COL4A6: variants seen among roughly 807,000 people sequenced by gnomAD.
COL4A6 encodes collagen type IV alpha 6 chain.
A neutral mutation model predicts 126.7 loss-of-function variants in COL4A6; 59 were observed. The observed-to-expected ratio is 0.47, with a 90% CI of 0.38 to 0.58. The LOEUF (loss-of-function observed/expected upper bound fraction) is 0.58, where lower values mean the gene tolerates loss of function less well. Among genes scored for constraint, COL4A6 ranks in the 20% least tolerant of loss-of-function variants. The pLI, the probability that COL4A6 is intolerant of heterozygous loss-of-function variation, is 0.00. For synonymous variants in COL4A6, 547 were observed against 496.6 expected (o/e 1.10, Z -1.35); for missense variants, 1,285 against 1,337.3 (o/e 0.96, Z 0.61).
intron 3 of COL4A6, among the ~76,000 whole-genome samples, chrX:108,301,956 G>T (rs1472707586): frequency 8.9e-6 from 1 of 111,771 alleles, no homozygotes; most frequent in Non-Finnish European, 1.9e-5. Flanking sequence ...AAGAGCAAGA[G>T]ACTTTGTGAC....
intron 2 of COL4A6, among the ~76,000 whole-genome samples, chrX:108,419,838 G>A (rs893032870): frequency 8.9e-6 from 1 of 111,826 alleles, no homozygotes; most frequent in Non-Finnish European, 1.9e-5. Flanking sequence ...CATCGCTACA[G>A]CATACAACTG....
intron 2 of COL4A6, among the ~76,000 whole-genome samples, chrX:108,434,094 C>T (rs1426783012): frequency 9.0e-6 from 1 of 111,691 alleles, no homozygotes; most frequent in East Asian, 2.8e-4. Flanking sequence ...AATATAGGAG[C>T]ATATTTATTG....
chrX:108,197,772 A>AGTGTGT (rs57928875), intron 13 of COL4A6, among the ~76,000 whole-genome samples: 4,754 of 87,168 alleles, frequency 0.055, 125 homozygotes, highest in South Asian at 0.079. Context: ...TATTGGGAGG[A>AGTGTGT]GTGTGTGTGT....
At chrX:108,417,901 A>C (rs1303463643) in intron 2 of COL4A6, among the ~76,000 whole-genome samples, 2 of 112,280 alleles carry the variant, frequency 1.8e-5, no homozygotes, top group Non-Finnish European at 3.8e-5. Flanking sequence ...TGACATAAGA[A>C]AGTTAAATCA....
rs763836649 is a variant in COL4A6, at chrX:108,159,664, C to T, written c.4610G>A (p.Arg1537His). Residue 1537 changes from arginine (R) to histidine (H), a missense_variant, in exon 44 of 45, where the codon CGC becomes CAC. Arg to His is a conservative substitution (Grantham distance 29). Transcript: ENST00000334504. ...NINEVCHYAR[R>H]NDKSYWLSTT... is the part of the protein sequence containing the mutation. ...GGAGAGCCAGTAAGATTTATCATTGCGCCTGGCATAGTGGCACACCTCGTT... is the reference window on the plus strand; with the variant it reads ...GGAGAGCCAGTAAGATTTATCATTGTGCCTGGCATAGTGGCACACCTCGTT... The T allele has an allele frequency of 1.9e-5, 23 of 1,210,212 alleles. 1 individual carries two copies. The highest frequency in any genetic ancestry group is 1.2e-4 in the African/African-American group (7 of 57,175).
intron 26 of COL4A6, 61 bp downstream of exon 26, chrX:108,179,156 G>A: frequency 9.9e-7 from 1 of 1,009,887 alleles, no homozygotes; most frequent in Non-Finnish European, 1.4e-6. Flanking sequence ...ATTCATGGAA[G>A]TATACGAATT....
intron 2 of COL4A6, among the ~76,000 whole-genome samples, chrX:108,369,375 C>A (rs1249826307): frequency 1.8e-5 from 2 of 111,423 alleles, no homozygotes; most frequent in African/African-American, 6.5e-5. Context: ...CAAATGTAAA[C>A]CTGGACAGTT....
intron 2 of COL4A6, among the ~76,000 whole-genome samples, chrX:108,408,917 C>T (rs906250042): frequency 2.7e-5 from 3 of 111,825 alleles, no homozygotes; most frequent in Admixed American, 1.9e-4. Flanking sequence ...GCTGAGATTG[C>T]GCCATTGCAC....
At chrX:108,385,691 C>A (rs1156813852) in intron 2 of COL4A6, among the ~76,000 whole-genome samples, 2 of 111,693 alleles carry the variant, frequency 1.8e-5, no homozygotes, top group Non-Finnish European at 3.8e-5. Flanking sequence ...TAAACCCATA[C>A]ATCTTGGTCA....
rs951564292 is a variant in COL4A6, at chrX:108,188,745, T to A, written c.1427-68A>T. 8.1e-6 allele frequency: 8 copies of A among 981,643 alleles called. No individual in the cohort carries two copies. In the Admixed American group the frequency reaches 1.1e-4, roughly 14 times the overall value. 80.9% of individuals were successfully genotyped at this position (981,643 alleles called of 1,213,427 possible). A position where few individuals can be genotyped will look rare whatever the true frequency, so the allele number is the denominator to read the frequency against. Reference sequence around the variant, plus strand: ...TCCAAGAAGAATAAAGAATTGATCATGGTTATTTGTGACTTGAACAACTCC... The same window carrying A: ...TCCAAGAAGAATAAAGAATTGATCAAGGTTATTTGTGACTTGAACAACTCC... On this transcript the variant is annotated intron_variant, in intron 20 of 44. Coordinates refer to ENST00000334504, the MANE Select transcript of COL4A6 (RefSeq NM_033641.4).
chrX:108,176,783 G>A (rs200831757), intron 28 of COL4A6, 58 bp downstream of exon 28: 447 of 1,104,102 alleles, frequency 4.0e-4, no homozygotes, highest in Middle Eastern at 2.6e-3. Flanking sequence ...AGCAAGCTGC[G>A]CAGCTGAAAT....
chrX:108,183,151 T>C (rs1162767823), intron 23 of COL4A6, among the ~76,000 whole-genome samples: 1 of 112,472 alleles, frequency 8.9e-6, no homozygotes, highest in East Asian at 2.8e-4. Flanking sequence ...TATACTGTCT[T>C]CTACTTTACA....
chrX:108,323,090 T>C (rs931200088), intron 2 of COL4A6, among the ~76,000 whole-genome samples: 4 of 111,998 alleles, frequency 3.6e-5, no homozygotes, highest in Admixed American at 9.5e-5. Context: ...GGGATTCATG[T>C]TTCTTTCTGT....
Position 108,156,840 on chromosome X carries a change from C to A in COL4A6, c.*160G>T, listed in dbSNP as rs1190965424. ...GGGCTCATCTCTATGGACCCGAGGG[C>A]TGGGGTGACGAGTGTCCGGTAGTCT... On this transcript the variant is annotated 3_prime_UTR_variant, in exon 45 of 45. Transcript: ENST00000334504. 9.3e-6 allele frequency: 5 copies of A among 535,845 alleles called. No individual in the cohort carries two copies. Among genetic ancestry groups the A allele is most frequent in the African/African-American group, 2.3e-5 (1 of 42,730 alleles). The allele number at this position is 535,845 out of a possible 1,213,427, so 44.2% of individuals were successfully genotyped here. A position where few individuals can be genotyped will look rare whatever the true frequency, so the allele number is the denominator to read the frequency against.
At chrX:108,344,137 T>C (rs1332872112) in intron 2 of COL4A6, among the ~76,000 whole-genome samples, 1 of 111,338 alleles carries the variant, frequency 9.0e-6, no homozygotes, top group African/African-American at 3.3e-5. Flanking sequence ...CAGATCTGCA[T>C]TGAAAGTTCC....
chrX:108,215,065 G>T (rs1158162757), intron 5 of COL4A6, among the ~76,000 whole-genome samples: 1 of 111,655 alleles, frequency 9.0e-6, no homozygotes, highest in East Asian at 2.8e-4. Flanking sequence ...GTCAATAAAA[G>T]GTAGATGTCC....
At chrX:108,333,986 A>G (rs113168376) in intron 2 of COL4A6, among the ~76,000 whole-genome samples, 150 of 111,594 alleles carry the variant, frequency 1.3e-3, no homozygotes, top group African/African-American at 4.3e-3. Context: ...GCAATCTACA[A>G]ATTCAATGCA....
At chrX:108,268,709 C>T (rs1013821954) in intron 3 of COL4A6, 6 of 134,827 alleles carry the variant, frequency 4.5e-5, no homozygotes, top group Non-Finnish European at 8.8e-5. Flanking sequence ...TCCTCATCTC[C>T]TCTGACATGG....
intron 2 of COL4A6, among the ~76,000 whole-genome samples, chrX:108,347,421 C>T (rs1237640131): frequency 8.9e-6 from 1 of 112,131 alleles, no homozygotes; most frequent in African/African-American, 3.2e-5. Context: ...GTTTAAGCAA[C>T]TCCTAATTAA....
Sources: gnomAD v4.1 joint callset for allele counts (sites outside exome capture counted in the v4.1 genomes callset) on GRCh38, gnomAD v4.1.1 for gene constraint, MANE v1.5 for transcripts, NCBI Gene and HGNC (gene_info 2026-07-23, HGNC 2026-07-21) for gene names.